Variants in MACROD2 observed in about 807,000 individuals in gnomAD.
MACROD2 encodes the protein ADP-ribose glycohydrolase MACROD2.
In MACROD2, 36 loss-of-function variants were observed where a neutral mutation model predicts 70.4. That is an observed-to-expected ratio of 0.51 (90% CI 0.39 to 0.68). MACROD2 has a LOEUF of 0.68. Ranked by LOEUF, MACROD2 falls within the 30% of genes least tolerant of loss-of-function variation. The pLI, the probability that MACROD2 is intolerant of heterozygous loss-of-function variation, is 0.00. For missense variants in MACROD2, 496 were observed against 538.4 expected (o/e 0.92, Z 0.78); for synonymous variants, 172 against 178.8 (o/e 0.96, Z 0.30).
At chr20:15,014,745 G>A (rs183175779) in intron 5 of MACROD2, among the ~76,000 whole-genome samples, 43 of 152,148 alleles carry the variant, frequency 2.8e-4, no homozygotes, top group African/African-American at 1.0e-3. Context: ...GTAAATGATT[G>A]TAAAAAACAG....
At chr20:14,363,161 A>T (rs204627) in intron 3 of MACROD2, among the ~76,000 whole-genome samples, 3 of 152,128 alleles carry the variant, frequency 2.0e-5, no homozygotes, top group African/African-American at 7.2e-5. Flanking sequence ...ATTAAAACTG[A>T]GACATCAGGC....
chr20:14,585,132 A>G (rs1255450858), intron 4 of MACROD2, among the ~76,000 whole-genome samples: 4 of 152,168 alleles, frequency 2.6e-5, no homozygotes. Context: ...GGCTGGGGTA[A>G]GGGAACAATA....
At chr20:14,242,589 CAG>C (rs2081938630) in intron 3 of MACROD2, among the ~76,000 whole-genome samples, 1 of 152,064 alleles carries the variant, frequency 6.6e-6, no homozygotes, top group South Asian at 2.1e-4. Flanking sequence ...CATTGGATGA[CAG>C]ATAACATTTA....
chr20:14,119,059 G>T (rs2054547825), intron 3 of MACROD2, among the ~76,000 whole-genome samples: 1 of 151,324 alleles, frequency 6.6e-6, no homozygotes, highest in Non-Finnish European at 1.5e-5. Context: ...TGTTGGCCAG[G>T]CTGGTCTCGA....
chr20:14,082,159 A>G (rs1417992607), intron 2 of MACROD2, among the ~76,000 whole-genome samples: 1 of 145,476 alleles, frequency 6.9e-6, no homozygotes, highest in Non-Finnish European at 1.5e-5. Context: ...ATGTTTTCCC[A>G]TACCTTTCTT....
intron 8 of MACROD2, among the ~76,000 whole-genome samples, chr20:15,816,770 A>G (rs980269133): frequency 1.3e-5 from 2 of 152,228 alleles, no homozygotes; most frequent in Admixed American, 1.3e-4. Flanking sequence ...CAAAGAAAGG[A>G]TATAGCAGGA....
At chr20:14,206,192 A>G (rs187828188) in intron 3 of MACROD2, among the ~76,000 whole-genome samples, 175 of 152,350 alleles carry the variant, frequency 1.1e-3, no homozygotes, top group Non-Finnish European at 1.5e-3. Context: ...GGCCCCTCAC[A>G]ACAAAGAATT....
chr20:14,137,084 C>T (rs920460862), intron 3 of MACROD2, among the ~76,000 whole-genome samples: 1 of 152,110 alleles, frequency 6.6e-6, no homozygotes, highest in Non-Finnish European at 1.5e-5. Flanking sequence ...GATATACAGT[C>T]GACTCTTAAG....
At chr20:14,128,199 T>C (rs2054675633) in intron 3 of MACROD2, 2 of 384,988 alleles carry the variant, frequency 5.2e-6, no homozygotes, top group African/African-American at 2.1e-5. Context: ...AACCAAATCC[T>C]AAGAAGATTT....
chr20:14,730,844 T>C (rs918080039), intron 5 of MACROD2, among the ~76,000 whole-genome samples: 5 of 152,052 alleles, frequency 3.3e-5, no homozygotes, highest in African/African-American at 1.2e-4. Context: ...GTTTAAAGTG[T>C]TTTTTTAAAG....
chr20:15,148,352 A>G (rs2076245572), intron 5 of MACROD2, among the ~76,000 whole-genome samples: 1 of 152,036 alleles, frequency 6.6e-6, no homozygotes, highest in Non-Finnish European at 1.5e-5. Flanking sequence ...AAGGAGAAAA[A>G]CAGGTATTAA....
At chr20:15,735,866 C>A (rs921152562) in intron 8 of MACROD2, among the ~76,000 whole-genome samples, 17 of 152,152 alleles carry the variant, frequency 1.1e-4, no homozygotes, top group African/African-American at 4.1e-4. Flanking sequence ...GATTATAGAT[C>A]TTCTCTTGAT....
At chr20:14,252,021 A>G (rs2082017219) in intron 3 of MACROD2, among the ~76,000 whole-genome samples, 1 of 152,176 alleles carries the variant, frequency 6.6e-6, no homozygotes, top group East Asian at 1.9e-4. Flanking sequence ...TAAAAGTGTA[A>G]AATTTTAGCA....
chr20:15,589,984 T>A (rs191764498), intron 8 of MACROD2, among the ~76,000 whole-genome samples: 1 of 152,288 alleles, frequency 6.6e-6, no homozygotes, highest in East Asian at 1.9e-4. Flanking sequence ...CATCAACAGT[T>A]ATTCAAACAT....
Position 15,432,590 on chromosome 20 carries a change from C to T in MACROD2, c.571+1155C>T, listed in dbSNP as rs564802092. ...ATTTGCTTAAAGGAAGTATTATGTA[C>T]AAAGTTATGCCTGGCAAATACCCTA... On this transcript the variant is annotated intron_variant, in intron 7 of 17. Coordinates refer to ENST00000684519, the MANE Select transcript of MACROD2 (RefSeq NM_001351661.2). Among the ~76,000 whole-genome samples, 5 of 152,154 alleles carry T rather than the reference C, an allele frequency of 3.3e-5. No homozygotes were observed. In the East Asian group the frequency reaches 5.8e-4, roughly 18 times the overall value.
At chr20:14,373,492 A>G (rs968049762) in intron 3 of MACROD2, among the ~76,000 whole-genome samples, 5 of 152,088 alleles carry the variant, frequency 3.3e-5, no homozygotes, top group African/African-American at 1.2e-4. Flanking sequence ...TGCTTTACTT[A>G]TGTGGAAAAT....
intron 3 of MACROD2, among the ~76,000 whole-genome samples, chr20:14,420,303 A>G (rs2083860783): frequency 6.6e-6 from 1 of 152,128 alleles, no homozygotes; most frequent in African/African-American, 2.4e-5. Context: ...TGTTTTTCAT[A>G]GCACCTGTAC....
chr20:14,543,098 A>G (rs2085452772), intron 4 of MACROD2, among the ~76,000 whole-genome samples: 1 of 152,128 alleles, frequency 6.6e-6, no homozygotes. Flanking sequence ...TCTGTCCTAT[A>G]CAATGATCAC....
At chr20:15,842,468 C>CTTTTTTTTTTTTTT (rs3071404) in intron 8 of MACROD2, among the ~76,000 whole-genome samples, 1 of 137,446 alleles carries the variant, frequency 7.3e-6, no homozygotes, top group African/African-American at 2.7e-5. Context: ...TTTTTTTCAT[C>CTTTTTTTTTTTTTT]TTTTTTTTTT....
Sources: allele counts gnomAD v4.1 joint callset (sites outside exome capture counted in the v4.1 genomes callset), GRCh38; gene constraint gnomAD v4.1.1; transcripts MANE v1.5; gene names NCBI Gene and HGNC (gene_info 2026-07-23, HGNC 2026-07-21).